TRHDE: variants seen among roughly 807,000 people sequenced by gnomAD.
The protein encoded by TRHDE is thyrotropin releasing hormone degrading enzyme.
In TRHDE, 72 loss-of-function variants were observed where a neutral mutation model predicts 125.7. That is an observed-to-expected ratio of 0.57 (90% CI 0.47 to 0.70). The LOEUF is 0.70. TRHDE is among the 30% of genes least tolerant of loss of function. The pLI is 0.00. For synonymous variants in TRHDE, 509 were observed against 509.1 expected (o/e 1.00, Z 0.00); for missense variants, 1,110 against 1,327.1 (o/e 0.84, Z 2.54).
At chr12:72,638,011 C>T (rs534107672) in intron 15 of TRHDE, among the ~76,000 whole-genome samples, 1 of 151,434 alleles carries the variant, frequency 6.6e-6, no homozygotes, top group African/African-American at 2.4e-5. Flanking sequence ...CTGTAGATGT[C>T]TATTAGGTCC....
intron 2 of TRHDE, among the ~76,000 whole-genome samples, chr12:72,314,476 A>G (rs1024431680): frequency 1.3e-4 from 20 of 152,188 alleles, no homozygotes; most frequent in Non-Finnish European, 2.8e-4. Context: ...TTTTCATTAT[A>G]GACATTATCC....
chr12:72,580,998 A>G (rs1871200105), intron 12 of TRHDE, among the ~76,000 whole-genome samples: 1 of 152,200 alleles, frequency 6.6e-6, no homozygotes. Flanking sequence ...CCATCGGGAG[A>G]GTGAAAGTTT....
At chr12:72,229,567 A>G (rs1878207065) in intron 2 of TRHDE, among the ~76,000 whole-genome samples, 2 of 152,200 alleles carry the variant, frequency 1.3e-5, no homozygotes, top group African/African-American at 4.8e-5. Flanking sequence ...TACAGAACAG[A>G]TCATGTCAGA....
At chr12:72,512,544 T>C (rs1233464287) in intron 6 of TRHDE, among the ~76,000 whole-genome samples, 1 of 138,810 alleles carries the variant, frequency 7.2e-6, no homozygotes, top group Non-Finnish European at 1.5e-5. Context: ...TTATATATAT[T>C]CATATATAAT....
At chr12:72,440,089 T>C (rs1874927840) in intron 3 of TRHDE, among the ~76,000 whole-genome samples, 1 of 152,028 alleles carries the variant, frequency 6.6e-6, no homozygotes, top group Non-Finnish European at 1.5e-5. Flanking sequence ...TGAATCATAC[T>C]TGCATCACTG....
chr12:72,652,223 T>C (rs1874533740), intron 15 of TRHDE, 99 bp from the exon 16 acceptor site: 2 of 801,342 alleles, frequency 2.5e-6, no homozygotes, highest in East Asian at 6.3e-5. Flanking sequence ...AAATAATCTT[T>C]TAAAAAACTG....
In TRHDE at chr12:72,663,354, G is replaced by T; in HGVS notation, c.*159G>T. 1 of 522,914 alleles carries T rather than the reference G, an allele frequency of 1.9e-6. No homozygotes were observed. Among genetic ancestry groups the T allele is most frequent in the African/African-American group, 2.0e-5 (1 of 50,730 alleles). 32.4% of individuals were successfully genotyped at this position (522,914 alleles called of 1,614,324 possible). ...TAGTTTTTATTTTTTGGTTTTGGGG[G>T]ATATTTTTTATTTGTTTCATTCATT... is the stretch of plus-strand genomic sequence containing the variant. On this transcript the variant is annotated 3_prime_UTR_variant, in exon 19 of 19. Coordinates refer to ENST00000261180, the MANE Select transcript of TRHDE (RefSeq NM_013381.3).
At chr12:72,087,315 T>A (rs1874692383) in exon 1 of TRHDE, 1 of 152,160 alleles carries the variant, frequency 6.6e-6, no homozygotes, top group South Asian at 2.1e-4. Context: ...AAAGTCCATA[T>A]AAACTTGCTT....
intron 15 of TRHDE, among the ~76,000 whole-genome samples, chr12:72,632,552 G>A (rs909474691): frequency 6.6e-6 from 1 of 151,570 alleles, no homozygotes; most frequent in Non-Finnish European, 1.5e-5. Flanking sequence ...TATTTATATT[G>A]GCAGCCTGCT....
intron 3 of TRHDE, among the ~76,000 whole-genome samples, chr12:72,407,334 A>T (rs1873309365): frequency 6.6e-6 from 1 of 152,172 alleles, no homozygotes; most frequent in African/African-American, 2.4e-5. Flanking sequence ...AAAAGACTGA[A>T]AGATTGCTTT....
chr12:72,501,267 G>A (rs1293307809), intron 6 of TRHDE, among the ~76,000 whole-genome samples: 3 of 151,994 alleles, frequency 2.0e-5, no homozygotes, highest in Non-Finnish European at 4.4e-5. Context: ...CCCTTGTGCT[G>A]TTCCTAATTT....
intron 2 of TRHDE, among the ~76,000 whole-genome samples, chr12:72,353,114 G>T (rs532389406): frequency 6.6e-6 from 1 of 151,680 alleles, no homozygotes; most frequent in African/African-American, 2.4e-5. Context: ...TAGAAAAATG[G>T]AATATAAATT....
chr12:72,127,900 C>T (rs1404534369), intron 2 of TRHDE, among the ~76,000 whole-genome samples: 1 of 151,852 alleles, frequency 6.6e-6, no homozygotes, highest in Non-Finnish European at 1.5e-5. Flanking sequence ...TACACACACA[C>T]AGACATTGTA....
chr12:72,300,375 C>T (rs1025217243), intron 2 of TRHDE, among the ~76,000 whole-genome samples: 1 of 149,820 alleles, frequency 6.7e-6, no homozygotes, highest in African/African-American at 2.5e-5. Flanking sequence ...TACACACACA[C>T]ACACACACAC....
chr12:72,467,405 A>G (rs568245023), intron 3 of TRHDE, among the ~76,000 whole-genome samples: 27 of 152,098 alleles, frequency 1.8e-4, no homozygotes, highest in Non-Finnish European at 2.8e-4. Flanking sequence ...TAATTCTTCA[A>G]CTATTTGCTC....
chr12:72,315,652 T>C (rs1454238483), intron 2 of TRHDE, among the ~76,000 whole-genome samples: 1 of 152,224 alleles, frequency 6.6e-6, no homozygotes, highest in Non-Finnish European at 1.5e-5. Context: ...CTGGAAAATG[T>C]GGTTGGCCAC....
In TRHDE at chr12:72,469,205, T is replaced by A. The variant is rs532225409; in HGVS notation, c.1316-553T>A. ...CTGTGGGTCCCCTCAATAATATTTTTTTTCCATTATATCCACTATCAGAGC... is the reference window on the plus strand; with the variant it reads ...CTGTGGGTCCCCTCAATAATATTTTATTTCCATTATATCCACTATCAGAGC... On this transcript the variant is annotated intron_variant, in intron 3 of 18. Coordinates refer to ENST00000261180, the MANE Select transcript of TRHDE (RefSeq NM_013381.3). Among the ~76,000 whole-genome samples the A allele has an allele frequency of 7.6e-4, 115 of 152,316 alleles. 1 individual carries two copies. Among genetic ancestry groups the A allele is most frequent in the Non-Finnish European group, 1.4e-3 (96 of 68,026 alleles).
intron 2 of TRHDE, among the ~76,000 whole-genome samples, chr12:72,200,776 G>GT (rs1472826355): frequency 6.6e-6 from 1 of 152,182 alleles, no homozygotes; most frequent in Non-Finnish European, 1.5e-5. Flanking sequence ...TGTCCTGCTT[G>GT]TAAGGGTCTG....
At chr12:72,154,372 T>A (rs1220115605) in intron 2 of TRHDE, among the ~76,000 whole-genome samples, 2 of 152,256 alleles carry the variant, frequency 1.3e-5, no homozygotes, top group East Asian at 3.9e-4. Context: ...TGTCTATTAA[T>A]TGGAGCATTT....
Sources: gnomAD v4.1 joint callset for allele counts (sites outside exome capture counted in the v4.1 genomes callset) on GRCh38, gnomAD v4.1.1 for gene constraint, MANE v1.5 for transcripts, NCBI Gene and HGNC (gene_info 2026-07-23, HGNC 2026-07-21) for gene names.